ELAC2: variants seen among roughly 807,000 people sequenced by gnomAD.
ELAC2 encodes the protein zinc phosphodiesterase ELAC protein 2.
Under a neutral mutation model 105.2 loss-of-function variants are expected in ELAC2, and 92 were observed. The ratio of observed to expected loss-of-function variants is 0.87; its 90% CI spans 0.74 to 1.04. ELAC2 has a LOEUF of 1.04. Ranked by LOEUF, ELAC2 falls within the 50% of genes least tolerant of loss-of-function variation. ELAC2 has a pLI of 0.00. For missense variants in ELAC2, 1,099 were observed against 1,071.7 expected (o/e 1.03, Z -0.36); for synonymous variants, 468 against 409.1 (o/e 1.14, Z -1.74).
At chr17:13,001,973 G>A (rs1382192599) in intron 14 of ELAC2, among the ~76,000 whole-genome samples, 2 of 152,164 alleles carry the variant, frequency 1.3e-5, no homozygotes, top group Non-Finnish European at 2.9e-5. Context: ...AAACACACGA[G>A]CTCTATCACT....
At chr17:13,006,010 A>T in intron 8 of ELAC2, 31 bp from the exon 9 acceptor site, 1 of 1,602,830 alleles carries the variant, frequency 6.2e-7, no homozygotes, top group East Asian at 2.2e-5. Context: ...ATGTGATCTT[A>T]GGGGCTAATG....
chr17:13,012,807 C>T lies in ELAC2; in HGVS notation c.559+400G>A, dbSNP rs551440395. ...TTCGGAATTTGCAGGAGCTTCTAAC[C>T]CCCAACAACACTTCTTTTAGGTTGC... On this transcript the variant is annotated intron_variant, in intron 6 of 23. Coordinates refer to ENST00000338034, the MANE Select transcript of ELAC2 (RefSeq NM_018127.7). 3.3e-5 allele frequency among the ~76,000 whole-genome samples: 5 copies of T among 152,174 alleles called. No individual in the cohort carries two copies. In the South Asian group the frequency reaches 1.0e-3, roughly 32 times the overall value.
At position 12,995,610 on chromosome 17, in the gene ELAC2, G is replaced by T. The variant is rs953417335; in HGVS notation, c.1808+93C>A. On this transcript the variant is annotated intron_variant, in intron 19 of 23. Coordinates refer to ENST00000338034, the MANE Select transcript of ELAC2 (RefSeq NM_018127.7). ...CATGTCAAGGGCAAGGCTGCTGGGG[G>T]ATATTGGTAACTACCCCAGTGTCCA... 6 of 1,232,210 alleles carry T rather than the reference G, an allele frequency of 4.9e-6. No homozygotes were observed. In the Admixed American group the frequency reaches 9.9e-5, roughly 20 times the overall value. The allele number at this position is 1,232,210 out of a possible 1,614,324, so 76.3% of individuals were successfully genotyped here. A position where few individuals can be genotyped will look rare whatever the true frequency, so the allele number is the denominator to read the frequency against.
intron 16 of ELAC2, among the ~76,000 whole-genome samples, chr17:12,997,481 G>A (rs1332737506): frequency 6.6e-6 from 1 of 152,128 alleles, no homozygotes; most frequent in African/African-American, 2.4e-5. Flanking sequence ...GGTGGCAATA[G>A]CACCTTCCCA....
intron 16 of ELAC2, 70 bp downstream of exon 16, chr17:12,998,342 A>T: frequency 7.0e-7 from 1 of 1,426,492 alleles, no homozygotes. Flanking sequence ...ACTGGTGAGT[A>T]CAGCAGGACT....
Position 12,992,910 on chromosome 17 carries a change from T to C in ELAC2, c.2389A>G (p.Arg797Gly), listed in dbSNP as rs1204692921. The change falls in exon 24 of 24, where the codon AGG becomes GGG. Residue 797 changes from arginine (R) to glycine (G), a missense_variant. Arg to Gly is a moderately radical substitution (Grantham distance 125). Coordinates refer to ENST00000338034, the MANE Select transcript of ELAC2 (RefSeq NM_018127.7). ...TCCTCCAGGCCGCCTGCCAGCTCCC[T>C]GGACAGGAGGGCCGCCCGCACCTGC... ...LRQVRAALLSRELAGGLEDGE... is the reference protein window; with the variant it reads ...LRQVRAALLSGELAGGLEDGE... 1.2e-5 allele frequency: 20 copies of C among 1,611,720 alleles called. No homozygotes were observed. The highest frequency in any genetic ancestry group is 1.4e-5 in the Non-Finnish European group (16 of 1,180,018).
At chr17:12,998,826 C>G (rs1370616222) in intron 15 of ELAC2, among the ~76,000 whole-genome samples, 1 of 152,162 alleles carries the variant, frequency 6.6e-6, no homozygotes, top group Non-Finnish European at 1.5e-5. Flanking sequence ...TCAGGTTATC[C>G]CGTCTTCACA....
chr17:13,010,057 A>C (rs2041332383), intron 8 of ELAC2, among the ~76,000 whole-genome samples: 1 of 152,094 alleles, frequency 6.6e-6, no homozygotes, highest in Non-Finnish European at 1.5e-5. Context: ...AGGAAATAAA[A>C]GTATGGGGTT....
chr17:13,003,940 G>C (rs2040970215), intron 11 of ELAC2: 1 of 254,120 alleles, frequency 3.9e-6, no homozygotes. Flanking sequence ...CTCTCTCACA[G>C]TCAAATTTCC....
chr17:13,003,512 A>G lies in ELAC2; in HGVS notation c.1046T>C (p.Leu349Pro). ...LVVHMAPASV[L>P]VDSRYQQWME... ...CCACTGCTGGTACCTGCTGTCCACA[A>G]GCACAGATGCTGGGGCCATGTGAAC... is the stretch of plus-strand genomic sequence containing the variant. The change falls in exon 12 of 24, where the codon CTT becomes CCT. Residue 349 changes from leucine to proline, a missense_variant. Physicochemically the swap from Leu to Pro is moderately conservative, Grantham distance 98 (BLOSUM62 -3). Transcript: ENST00000338034. 6.2e-7 allele frequency: 1 copy of G among 1,614,168 alleles called. No individual in the cohort carries two copies. The highest frequency in any genetic ancestry group is 1.1e-5 in the South Asian group (1 of 91,088).
Position 12,995,038 on chromosome 17 carries a change from C to T in ELAC2, c.1833G>A (p.Gln611=). The change falls in exon 20 of 24, where the codon CAG becomes CAA. Residue 611 remains glutamine, a synonymous_variant. Coordinates refer to ENST00000338034, the MANE Select transcript of ELAC2 (RefSeq NM_018127.7). ...HISMIPAKCL[Q]EGAEISSPAV... is the part of the protein sequence containing the mutation. ...CAGGACTGGAGATCTCAGCCCCTTC[C>T]TGAAGGCATTTGGCAGGAATCATAC... 6 of 1,614,188 alleles carry T rather than the reference C, an allele frequency of 3.7e-6. No individual in the cohort carries two copies. The highest frequency in any genetic ancestry group is 1.3e-5 in the African/African-American group (1 of 75,060).
intron 11 of ELAC2, chr17:13,003,859 C>T (rs2040965171): frequency 2.3e-6 from 1 of 440,158 alleles, no homozygotes; most frequent in South Asian, 2.2e-5. Context: ...CTACCCTCTC[C>T]ACTCATACGG....
intron 15 of ELAC2, among the ~76,000 whole-genome samples, chr17:12,999,011 G>A (rs1329800858): frequency 6.6e-6 from 1 of 152,064 alleles, no homozygotes; most frequent in African/African-American, 2.4e-5. Context: ...ACAAAACACA[G>A]ACTAAGACAG....
intron 21 of ELAC2, 86 bp downstream of exon 21, chr17:12,994,678 G>A (rs1178831808): frequency 8.1e-6 from 13 of 1,610,902 alleles, no homozygotes; most frequent in South Asian, 2.2e-5. Context: ...CTCTGCTGAC[G>A]TTTCCCTGCA....
chr17:13,008,974 T>C (rs2041259794), intron 8 of ELAC2, among the ~76,000 whole-genome samples: 1 of 152,202 alleles, frequency 6.6e-6, no homozygotes, highest in African/African-American at 2.4e-5. Flanking sequence ...TTGTCACTTT[T>C]CATCATGCTC....
intron 17 of ELAC2, chr17:12,996,289 TG>T: frequency 1.6e-6 from 1 of 644,004 alleles, no homozygotes; most frequent in Non-Finnish European, 2.7e-6. Context: ...GCAGGCCGTG[TG>T]AGATTCAAGA....
In ELAC2 at chr17:13,005,084, C is replaced by A. The variant is rs1372284506; in HGVS notation, c.888G>T (p.Leu296=). The change falls in exon 11 of 24, where the codon CTG becomes CTT. Residue 296 remains leucine, a synonymous_variant. Transcript: ENST00000338034. Reference sequence around the variant, plus strand: ...CAGCACCAGGATCTGGAGGAGTACACAGCTCTTCAGCCAAAATCTGCAAAA... The same window carrying A: ...CAGCACCAGGATCTGGAGGAGTACAAAGCTCTTCAGCCAAAATCTGCAAAA... ...HEGREILAEE[L]CTPPDPGAAF... 1 of 1,614,030 alleles carries A rather than the reference C, an allele frequency of 6.2e-7. No homozygotes were observed. Among genetic ancestry groups the A allele is most frequent in the South Asian group, 1.1e-5 (1 of 91,094 alleles).
chr17:13,003,608 C>T, intron 11 of ELAC2, 34 bp from the exon 12 acceptor site: 1 of 1,594,338 alleles, frequency 6.3e-7, no homozygotes. Context: ...CAAAGTGATG[C>T]AGACTCAGGA....
At chr17:13,015,622 C>A in intron 4 of ELAC2, 146 bp downstream of exon 4, 1 of 711,354 alleles carries the variant, frequency 1.4e-6, no homozygotes, top group Non-Finnish European at 2.5e-6. Context: ...AATCAGAACT[C>A]AAGTCTTTTT....
Sources: allele counts gnomAD v4.1 joint callset (sites outside exome capture counted in the v4.1 genomes callset), GRCh38; gene constraint gnomAD v4.1.1; transcripts MANE v1.5; gene names NCBI Gene and HGNC (gene_info 2026-07-23, HGNC 2026-07-21).